Variants in SCGB2B2 observed in about 807,000 individuals in gnomAD.
SCGB2B2 encodes secretoglobin family 2B member 2.
Under a neutral mutation model 7.6 loss-of-function variants are expected in SCGB2B2, and 11 were observed. That is an observed-to-expected ratio of 1.45 (90% confidence interval 0.91 to 2.40). The LOEUF is 2.40. SCGB2B2 is among the 30% of genes most tolerant of loss of function. SCGB2B2 has a pLI of 0.00. For missense variants in SCGB2B2, 104 were observed against 115.4 expected (o/e 0.90, Z 0.45); for synonymous variants, 50 against 48.6 (o/e 1.03, Z -0.12).
intron 1 of SCGB2B2, among the ~76,000 whole-genome samples, chr19:34,672,239 T>TC (rs2067821638): frequency 1.3e-5 from 2 of 152,198 alleles, no homozygotes; most frequent in South Asian, 2.1e-4. Flanking sequence ...TTTTTTTTTT[T>TC]TGCTAGATCC....
chr19:34,668,219 C>A (rs1483959227), intron 1 of SCGB2B2, among the ~76,000 whole-genome samples: 1 of 152,148 alleles, frequency 6.6e-6, no homozygotes, highest in African/African-American at 2.4e-5. Flanking sequence ...GGAACCGGGG[C>A]TGAGCGTGGC....
chr19:34,606,181 C>A (rs2065773309), intron 1 of SCGB2B2, among the ~76,000 whole-genome samples: 2 of 151,762 alleles, frequency 1.3e-5, no homozygotes, highest in Admixed American at 6.6e-5. Context: ...GCTTTATTGG[C>A]ATAATTGACA....
chr19:34,635,361 C>A (rs62621125), intron 1 of SCGB2B2: 26,911 of 285,556 alleles, frequency 0.094, 1,524 homozygotes, highest in South Asian at 0.17. Context: ...AGCCCTTTCT[C>A]CAGTGTGAAG....
chr19:34,602,162 T>C (rs1045463386), intron 1 of SCGB2B2, among the ~76,000 whole-genome samples: 6 of 152,212 alleles, frequency 3.9e-5, no homozygotes, highest in African/African-American at 1.2e-4. Flanking sequence ...GGAAAGATGA[T>C]GAATTTTAGA....
intron 1 of SCGB2B2, among the ~76,000 whole-genome samples, chr19:34,652,029 A>G (rs1471487001): frequency 6.6e-6 from 1 of 151,266 alleles, no homozygotes; most frequent in Non-Finnish European, 1.5e-5. Context: ...TTACTGGTGA[A>G]TGGACAGTCT....
chr19:34,644,766 T>C (rs974503043), intron 1 of SCGB2B2, among the ~76,000 whole-genome samples: 4 of 152,252 alleles, frequency 2.6e-5, no homozygotes, highest in South Asian at 2.1e-4. Context: ...TATTCATTTA[T>C]GTGCTGACGG....
chr19:34,606,011 T>C (rs2065765638), intron 1 of SCGB2B2, among the ~76,000 whole-genome samples: 1 of 152,076 alleles, frequency 6.6e-6, no homozygotes, highest in Admixed American at 6.5e-5. Context: ...TTCTTCTGTG[T>C]CAATATATTT....
chr19:34,635,354 C>T (rs2066646389), intron 1 of SCGB2B2: 1 of 290,184 alleles, frequency 3.4e-6, no homozygotes, highest in Non-Finnish European at 7.2e-6. Flanking sequence ...ATCTGTAAGC[C>T]CTTTCTCCAG....
At chr19:34,615,822 T>C (rs562321509) in intron 1 of SCGB2B2, among the ~76,000 whole-genome samples, 3 of 150,916 alleles carry the variant, frequency 2.0e-5, no homozygotes, top group East Asian at 3.9e-4. Context: ...ATTAGGTATA[T>C]CTCCCAATGC....
At chr19:34,662,390 T>C (rs1225985837) in intron 1 of SCGB2B2, among the ~76,000 whole-genome samples, 1 of 152,002 alleles carries the variant, frequency 6.6e-6, no homozygotes, top group Non-Finnish European at 1.5e-5. Context: ...AATAAAGACT[T>C]TACAAATCTT....
At position 34,657,085 on chromosome 19, in the gene SCGB2B2, G is replaced by A. The variant is rs370502626; in HGVS notation, c.-2032+18545C>T. 1.7e-4 allele frequency among the ~76,000 whole-genome samples: 26 copies of A among 151,256 alleles called. No individual in the cohort carries two copies. The South Asian group carries it at 5.2e-3, about 30-fold the overall frequency. The stretch of plus-strand genomic sequence containing the variant: ...TAAAGAGTTTTTGAATGCTGAATAC[G>A]AAACAATATAGAATAATTATACTTT... On this transcript the variant is annotated intron_variant, in intron 1 of 3. Coordinates refer to ENST00000601241, the MANE Select transcript of SCGB2B2 (RefSeq NM_001025591.4).
At chr19:34,601,865 A>G (rs1416919830) in intron 1 of SCGB2B2, among the ~76,000 whole-genome samples, 1 of 152,086 alleles carries the variant, frequency 6.6e-6, no homozygotes, top group East Asian at 1.9e-4. Flanking sequence ...TTTTTTGTTT[A>G]GTATCTGAAC....
At chr19:34,609,340 T>G (rs1162971176) in intron 1 of SCGB2B2, among the ~76,000 whole-genome samples, 1 of 151,154 alleles carries the variant, frequency 6.6e-6, no homozygotes, top group Non-Finnish European at 1.5e-5. Flanking sequence ...ATAGTCCTGT[T>G]TATTTTTTCT....
downstream of SCGB2B2, among the ~76,000 whole-genome samples, chr19:34,588,585 A>G (rs1376238308): frequency 6.6e-6 from 1 of 152,204 alleles, no homozygotes; most frequent in Non-Finnish European, 1.5e-5. Context: ...GTGAGTTTCC[A>G]GACCTCTGGC....
At chr19:34,672,228 A>T (rs1242881345) in intron 1 of SCGB2B2, among the ~76,000 whole-genome samples, 128 of 146,270 alleles carry the variant, frequency 8.8e-4, no homozygotes, top group Non-Finnish European at 1.5e-3. Flanking sequence ...TTTTTCTCAC[A>T]TTTTTTTTTT....
At chr19:34,640,856 A>G (rs1407770454) in intron 1 of SCGB2B2, among the ~76,000 whole-genome samples, 1 of 152,034 alleles carries the variant, frequency 6.6e-6, no homozygotes, top group East Asian at 1.9e-4. Context: ...TTTTTTCCAG[A>G]TGTGAAATTA....
intron 1 of SCGB2B2, among the ~76,000 whole-genome samples, chr19:34,628,782 C>T (rs111816939): frequency 3.3e-5 from 5 of 152,034 alleles, no homozygotes; most frequent in African/African-American, 1.2e-4. Context: ...GCAGCATCAT[C>T]CTGATACCAA....
chr19:34,664,625 T>C (rs1281157036), intron 1 of SCGB2B2, among the ~76,000 whole-genome samples: 2 of 152,204 alleles, frequency 1.3e-5, no homozygotes, highest in Admixed American at 1.3e-4. Flanking sequence ...CCAGGTTGTG[T>C]TGTGTCCAGT....
chr19:34,607,756 A>C (rs1253590671), intron 1 of SCGB2B2, among the ~76,000 whole-genome samples: 1 of 152,232 alleles, frequency 6.6e-6, no homozygotes, highest in Non-Finnish European at 1.5e-5. Context: ...TTTAGGAAAA[A>C]TGCCTATGCA....
Sources: allele counts gnomAD v4.1 joint callset (sites outside exome capture counted in the v4.1 genomes callset), GRCh38; gene constraint gnomAD v4.1.1; transcripts MANE v1.5; gene names NCBI Gene and HGNC (gene_info 2026-07-23, HGNC 2026-07-21).